DIP2C: variants seen among roughly 807,000 people sequenced by gnomAD.
DIP2C encodes the protein disco-interacting protein 2 homolog C.
Under a neutral mutation model 192.4 loss-of-function variants are expected in DIP2C, and 33 were observed. The ratio of observed to expected loss-of-function variants is 0.17; its 90% CI spans 0.13 to 0.23. The LOEUF is 0.23. Ranked by LOEUF, DIP2C falls within the 10% of genes least tolerant of loss-of-function variation. DIP2C has a pLI of 1.00. For missense variants in DIP2C, 1,537 were observed against 2,110.1 expected (o/e 0.73, Z 5.32); for synonymous variants, 979 against 864.1 (o/e 1.13, Z -2.33).
At chr10:303,480 T>C (rs751950453) in intron 32 of DIP2C, among the ~76,000 whole-genome samples, 21 of 152,312 alleles carry the variant, frequency 1.4e-4, no homozygotes, top group African/African-American at 4.6e-4. Context: ...TGTACAAAAA[T>C]AATTTATCTT....
intron 9 of DIP2C, among the ~76,000 whole-genome samples, chr10:401,833 T>C (rs1411455108): frequency 6.6e-6 from 1 of 151,556 alleles, no homozygotes; most frequent in Admixed American, 6.6e-5. Context: ...ATTTTACACG[T>C]GTGGCAGCAT....
Position 619,235 on chromosome 10 carries a change from C to T in DIP2C, c.85+70259G>A, listed in dbSNP as rs562691024. ...CGTGCACCTTCGTGGGCTAGTTTTA[C>T]TACTTCTCTATTAAATCACCCCAAA... is the stretch of plus-strand genomic sequence containing the variant. On this transcript the variant is annotated intron_variant, in intron 1 of 36. Transcript: ENST00000280886. Among the ~76,000 whole-genome samples the T allele has an allele frequency of 1.4e-4, 21 of 152,328 alleles. No individual in the cohort carries two copies. The South Asian group carries it at 4.3e-3, about 32-fold the overall frequency.
chr10:626,557 C>G (rs927890878), intron 1 of DIP2C, among the ~76,000 whole-genome samples: 9 of 152,092 alleles, frequency 5.9e-5, no homozygotes, highest in African/African-American at 2.2e-4. Flanking sequence ...TGTCCTCCCT[C>G]ATTTTCCTGT....
chr10:364,729 C>T (rs895747798), intron 19 of DIP2C, 147 bp from the exon 20 acceptor site: 2 of 841,848 alleles, frequency 2.4e-6, no homozygotes, highest in South Asian at 1.7e-5. Context: ...GTCACAGTGA[C>T]CGCTGGTGGC....
chr10:611,125 G>C (rs1853072353), intron 1 of DIP2C, among the ~76,000 whole-genome samples: 1 of 152,106 alleles, frequency 6.6e-6, no homozygotes, highest in African/African-American at 2.4e-5. Context: ...TAATGGTTTA[G>C]CACAATCCCA....
chr10:387,710 T>C lies in DIP2C; in HGVS notation c.1662+35A>G, dbSNP rs75270282. 298 of 1,608,370 alleles carry C rather than the reference T, an allele frequency of 1.9e-4. 1 individual carries two copies. Among genetic ancestry groups the C allele is most frequent in the Non-Finnish European group, 3.6e-5 (42 of 1,176,436 alleles). On this transcript the variant is annotated intron_variant, in intron 14 of 36. Coordinates refer to ENST00000280886, the MANE Select transcript of DIP2C (RefSeq NM_014974.3). Reference sequence around the variant, plus strand: ...AGGCAGGGCAGGGTGGGGGACTCCTTTGTGGACAGACACGGCCGGGGGGAC... The same window carrying C: ...AGGCAGGGCAGGGTGGGGGACTCCTCTGTGGACAGACACGGCCGGGGGGAC...
intron 26 of DIP2C, 184 bp from the exon 27 acceptor site, chr10:345,294 G>C: frequency 1.4e-6 from 1 of 703,566 alleles, no homozygotes; most frequent in East Asian, 2.7e-5. Context: ...TGGAGGCACG[G>C]GGGCAGGGCA....
intron 1 of DIP2C, among the ~76,000 whole-genome samples, chr10:576,301 A>G (rs1045401762): frequency 2.0e-5 from 3 of 152,230 alleles, no homozygotes; most frequent in South Asian, 2.1e-4. Flanking sequence ...CACAGACCAC[A>G]TCACACTCGA....
chr10:581,501 A>G (rs2131591021), intron 1 of DIP2C, among the ~76,000 whole-genome samples: 1 of 152,348 alleles, frequency 6.6e-6, no homozygotes, highest in East Asian at 1.9e-4. Flanking sequence ...AAGTTGCAAT[A>G]CTTAAAAGCC....
At chr10:613,328 A>C (rs969804477) in intron 1 of DIP2C, among the ~76,000 whole-genome samples, 3 of 152,192 alleles carry the variant, frequency 2.0e-5, no homozygotes, top group Non-Finnish European at 4.4e-5. Context: ...AGAGCCGATC[A>C]CAGTGCAGTG....
At chr10:471,317 G>A (rs1015946045) in intron 3 of DIP2C, among the ~76,000 whole-genome samples, 1 of 152,116 alleles carries the variant, frequency 6.6e-6, no homozygotes, top group Admixed American at 6.6e-5. Flanking sequence ...CAGGCAGACG[G>A]CAACTGAGGA....
intron 17 of DIP2C, among the ~76,000 whole-genome samples, chr10:372,479 T>C (rs777267750): frequency 2.5e-4 from 38 of 152,272 alleles, no homozygotes; most frequent in Non-Finnish European, 5.0e-4. Context: ...ATAGGAACTT[T>C]TCAGTTATGC....
chr10:291,690 A>G (rs553785079), intron 32 of DIP2C, among the ~76,000 whole-genome samples: 1 of 152,332 alleles, frequency 6.6e-6, no homozygotes. Flanking sequence ...CTCGGTGCTG[A>G]CTTTCTCAAA....
At chr10:432,735 G>A (rs1208345830) in intron 4 of DIP2C, among the ~76,000 whole-genome samples, 2 of 151,984 alleles carry the variant, frequency 1.3e-5, no homozygotes, top group African/African-American at 4.8e-5. Context: ...AGTTTTCTAA[G>A]GTGGGAGCTT....
chr10:300,844 C>T (rs568975702), intron 32 of DIP2C, among the ~76,000 whole-genome samples: 113 of 152,070 alleles, frequency 7.4e-4, no homozygotes, highest in African/African-American at 2.5e-3. Context: ...GATCCAGGGG[C>T]GGCCCTGAGC....
intron 1 of DIP2C, among the ~76,000 whole-genome samples, chr10:487,656 C>A (rs907350269): frequency 7.6e-6 from 1 of 132,162 alleles, no homozygotes; most frequent in African/African-American, 2.7e-5. Flanking sequence ...CAGCTCACTG[C>A]AAGCTCCGCC....
chr10:305,796 C>G (rs959746533), intron 32 of DIP2C, among the ~76,000 whole-genome samples: 5 of 152,008 alleles, frequency 3.3e-5, no homozygotes, highest in Non-Finnish European at 7.4e-5. Context: ...AGGCACATGC[C>G]ACCACACCTA....
chr10:391,533 G>C (rs778048087), intron 10 of DIP2C, among the ~76,000 whole-genome samples: 1 of 152,232 alleles, frequency 6.6e-6, no homozygotes, highest in African/African-American at 2.4e-5. Flanking sequence ...TACGCCAGTC[G>C]TCACTCCTGT....
intron 1 of DIP2C, among the ~76,000 whole-genome samples, chr10:657,382 A>C (rs1173774209): frequency 1.4e-3 from 27 of 19,992 alleles, no homozygotes; most frequent in South Asian, 2.3e-3. Context: ...ACTGGACCTG[A>C]CCCTGGACCT....
Sources: allele counts gnomAD v4.1 joint callset (sites outside exome capture counted in the v4.1 genomes callset), GRCh38; gene constraint gnomAD v4.1.1; transcripts MANE v1.5; gene names NCBI Gene and HGNC (gene_info 2026-07-23, HGNC 2026-07-21).